The following AGBL1 variants were observed in gnomAD, a reference collection of about 807,000 sequenced individuals.
AGBL1 encodes the protein AGBL carboxypeptidase 1, also known as cytosolic carboxypeptidase 4.
AGBL1 carries 130 observed loss-of-function variants against 118.9 expected under a neutral mutation model. That is an observed-to-expected ratio of 1.09 (90% CI 0.95 to 1.26). The LOEUF (loss-of-function observed/expected upper bound fraction) is 1.26. AGBL1 is among the 50% of genes most tolerant of loss of function. The pLI is 0.00. For missense variants in AGBL1, 1,584 were observed against 1,298.1 expected (o/e 1.22, Z -3.38); for synonymous variants, 555 against 478.9 (o/e 1.16, Z -2.08).
chr15:86,206,239 G>A (rs779975628), intron 5 of AGBL1, among the ~76,000 whole-genome samples: 2 of 152,122 alleles, frequency 1.3e-5, no homozygotes, highest in South Asian at 2.1e-4. Context: ...TTGGTTCCAC[G>A]TTTTTGGTAT....
At chr15:86,449,946 T>TAA (rs11374997) in intron 18 of AGBL1, among the ~76,000 whole-genome samples, 12 of 151,278 alleles carry the variant, frequency 7.9e-5, no homozygotes, top group South Asian at 4.2e-4. Flanking sequence ...GCTGGCGTAT[T>TAA]AAAAAAAAAT....
intron 22 of AGBL1, among the ~76,000 whole-genome samples, chr15:86,816,646 G>T (rs1478921528): frequency 6.6e-6 from 1 of 152,084 alleles, no homozygotes; most frequent in Admixed American, 6.6e-5. Flanking sequence ...AAAATCTGGA[G>T]AGATTAAAAT....
chr15:86,690,484 C>A (rs1014722653), intron 22 of AGBL1, among the ~76,000 whole-genome samples: 1 of 152,134 alleles, frequency 6.6e-6, no homozygotes, highest in Non-Finnish European at 1.5e-5. Flanking sequence ...AGTCCATTCA[C>A]CTTTTTAAAC....
chr15:86,100,184 T>C (rs1896628435), intron 1 of AGBL1, among the ~76,000 whole-genome samples: 1 of 152,216 alleles, frequency 6.6e-6, no homozygotes, highest in East Asian at 1.9e-4. Context: ...CTGGTATAAA[T>C]CCCACTTGAC....
intron 17 of AGBL1, among the ~76,000 whole-genome samples, chr15:86,336,845 G>T (rs958476828): frequency 6.6e-6 from 1 of 152,182 alleles, no homozygotes; most frequent in Admixed American, 6.5e-5. Flanking sequence ...GGTGCTAGAG[G>T]CAAGCTCCTA....
intron 22 of AGBL1, among the ~76,000 whole-genome samples, chr15:86,838,371 C>G (rs540621480): frequency 6.6e-6 from 1 of 152,024 alleles, no homozygotes; most frequent in African/African-American, 2.4e-5. Context: ...TTTCATAGCC[C>G]TCCTTTAGAA....
In AGBL1 at chr15:86,846,497, C is replaced by T. The variant is rs374288496; in HGVS notation, c.3159-60590C>T. ...AGTTCCATTGTCTTACAGATTACTACTTTTAATCAAATTTGGGTAGTTTTT... is the reference window on the plus strand; with the variant it reads ...AGTTCCATTGTCTTACAGATTACTATTTTTAATCAAATTTGGGTAGTTTTT... On this transcript the variant is annotated intron_variant, in intron 22 of 22. Transcript: ENST00000614907. Among the ~76,000 whole-genome samples, 34 of 152,206 alleles carry T rather than the reference C, an allele frequency of 2.2e-4. No individual in the cohort carries two copies. In the South Asian group the frequency reaches 6.6e-3, roughly 30 times the overall value.
At chr15:86,204,401 C>T (rs181775405) in intron 5 of AGBL1, among the ~76,000 whole-genome samples, 16 of 152,304 alleles carry the variant, frequency 1.1e-4, no homozygotes, top group African/African-American at 3.8e-4. Flanking sequence ...ATACCCCTTA[C>T]CCTGCACATG....
chr15:86,750,390 A>G (rs1185233718), intron 22 of AGBL1, among the ~76,000 whole-genome samples: 1 of 152,034 alleles, frequency 6.6e-6, no homozygotes, highest in Non-Finnish European at 1.5e-5. Context: ...TTTTTCAGCG[A>G]AAAATAGAAC....
In AGBL1 at chr15:86,204,787, G is replaced by A. The variant is rs111456298; in HGVS notation, c.489-20127G>A. 3.8e-3 allele frequency among the ~76,000 whole-genome samples: 579 copies of A among 151,968 alleles called. 3 individuals are homozygous for A. The highest frequency in any genetic ancestry group is 0.014 in the African/African-American group (561 of 41,430). On this transcript the variant is annotated intron_variant, in intron 5 of 22. Coordinates refer to ENST00000614907, the MANE Select transcript of AGBL1 (RefSeq NM_001386094.1). The stretch of plus-strand genomic sequence containing the variant: ...GCGTTTTTAGTAGAGATGGTGTTTC[G>A]CCATGTTGGCCAGCCTGGTCTTGAA...
intron 1 of AGBL1, among the ~76,000 whole-genome samples, chr15:86,121,493 T>C (rs555357417): frequency 1.3e-5 from 2 of 152,348 alleles, no homozygotes; most frequent in African/African-American, 4.8e-5. Context: ...TGCTTGCTAC[T>C]TTGGGAGATG....
intron 23 of AGBL1, among the ~76,000 whole-genome samples, chr15:86,950,898 T>TA (rs548127049): frequency 1.9e-3 from 295 of 151,942 alleles, no homozygotes; most frequent in Non-Finnish European, 3.0e-3. Flanking sequence ...CTTAGATAAA[T>TA]AAAAAAATAA....
chr15:86,566,887 C>G (rs1422441112), intron 21 of AGBL1, among the ~76,000 whole-genome samples: 2 of 152,150 alleles, frequency 1.3e-5, no homozygotes. Flanking sequence ...CCAGGGAGAG[C>G]TCTACATTTC....
chr15:86,343,107 T>A (rs1227388853), intron 17 of AGBL1, among the ~76,000 whole-genome samples: 1 of 152,238 alleles, frequency 6.6e-6, no homozygotes, highest in African/African-American at 2.4e-5. Context: ...GACATTTTCA[T>A]GTTACCCACC....
chr15:86,458,860 A>T (rs1045255760), intron 18 of AGBL1, among the ~76,000 whole-genome samples: 1 of 152,094 alleles, frequency 6.6e-6, no homozygotes, highest in African/African-American at 2.4e-5. Context: ...ATAGAACGGA[A>T]ATTGCAGCTG....
intron 6 of AGBL1, among the ~76,000 whole-genome samples, chr15:86,229,856 A>T (rs2078427176): frequency 6.6e-6 from 1 of 152,224 alleles, no homozygotes; most frequent in African/African-American, 2.4e-5. Flanking sequence ...TAAAGGTCAT[A>T]TTCTTGCAAC....
At chr15:86,674,133 T>C (rs1006962057) in intron 21 of AGBL1, 140 bp from the exon 22 acceptor site, 28 of 848,248 alleles carry the variant, frequency 3.3e-5, no homozygotes, top group Non-Finnish European at 4.9e-5. Context: ...CAGAATGTAA[T>C]GGACAGTGAC....
chr15:86,670,628 A>ACACACACACACACACACAC (rs59416251), intron 21 of AGBL1, among the ~76,000 whole-genome samples: 2 of 48,470 alleles, frequency 4.1e-5, no homozygotes, highest in African/African-American at 1.8e-4. Context: ...CACACACACA[A>ACACACACACACACACACAC]ACACGCTGTG....
At chr15:86,144,664 G>A (rs1174111933) in intron 3 of AGBL1, among the ~76,000 whole-genome samples, 1 of 152,172 alleles carries the variant, frequency 6.6e-6, no homozygotes, top group East Asian at 1.9e-4. Flanking sequence ...GCCTGTCAGA[G>A]GATGGAGGGT....
Sources: gnomAD v4.1 joint callset for allele counts (sites outside exome capture counted in the v4.1 genomes callset) on GRCh38, gnomAD v4.1.1 for gene constraint, MANE v1.5 for transcripts, NCBI Gene and HGNC (gene_info 2026-07-23, HGNC 2026-07-21) for gene names.